Variants in VPS41 observed in about 807,000 individuals in gnomAD.
VPS41 encodes VPS41 subunit of HOPS complex.
Under a neutral mutation model 130.9 loss-of-function variants are expected in VPS41, and 85 were observed. The ratio of observed to expected loss-of-function variants is 0.65; its 90% CI spans 0.55 to 0.78. The LOEUF (loss-of-function observed/expected upper bound fraction) is 0.78, where lower values mean the gene tolerates loss of function less well. Ranked by LOEUF, VPS41 falls within the 30% of genes least tolerant of loss-of-function variation. The pLI, the probability that VPS41 is intolerant of heterozygous loss-of-function variation, is 0.00. For missense variants in VPS41, 874 were observed against 1,018.7 expected, an observed-to-expected ratio of 0.86 and a Z score of 1.93; for synonymous variants, 335 against 332.9, an observed-to-expected ratio of 1.01 and a Z score of -0.07.
chr7:38,906,689 C>T (rs1787275514), intron 1 of VPS41, among the ~76,000 whole-genome samples: 2 of 152,124 alleles, frequency 1.3e-5, no homozygotes, highest in South Asian at 4.1e-4. Flanking sequence ...AGAATGCCCA[C>T]TCCAACTACA....
chr7:38,760,413 G>T (rs1783886219), intron 17 of VPS41, among the ~76,000 whole-genome samples: 1 of 152,136 alleles, frequency 6.6e-6, no homozygotes, highest in African/African-American at 2.4e-5. Context: ...TTTAGCTCAT[G>T]TCAAAGCTAG....
intron 4 of VPS41, 28 bp from the exon 5 acceptor site, chr7:38,830,356 T>C (rs113477160): frequency 2.9e-6 from 4 of 1,396,616 alleles, no homozygotes; most frequent in South Asian, 2.3e-5. Flanking sequence ...AAAAGATGTG[T>C]AAAACTTCAG....
Position 38,862,525 on chromosome 7 carries a change from ATT to A in VPS41, c.246+18_246+19del. On this transcript the variant is annotated intron_variant, in intron 4 of 28. Coordinates refer to ENST00000310301, the MANE Select transcript of VPS41 (RefSeq NM_014396.4). Reference sequence around the variant, plus strand: ...TAACATGAAGTTTAGCTCATACATTATTTTATACAGAATACTTACTACATCAA... The same window carrying A: ...TAACATGAAGTTTAGCTCATACATTATTATACAGAATACTTACTACATCAA... The A allele has an allele frequency of 6.8e-7, 1 of 1,472,336 alleles. No homozygotes were observed. Among genetic ancestry groups the A allele is most frequent in the Non-Finnish European group, 9.4e-7 (1 of 1,063,906 alleles). 91.2% of individuals were successfully genotyped at this position (1,472,336 alleles called of 1,614,324 possible). A position where few individuals can be genotyped will look rare whatever the true frequency, so the allele number is the denominator to read the frequency against.
chr7:38,838,329 A>G (rs1362265046), intron 4 of VPS41, among the ~76,000 whole-genome samples: 1 of 152,200 alleles, frequency 6.6e-6, no homozygotes, highest in African/African-American at 2.4e-5. Context: ...AGCTAAAATG[A>G]CTGATTTTCC....
At chr7:38,834,107 A>C (rs1584418784) in intron 4 of VPS41, among the ~76,000 whole-genome samples, 1 of 22,948 alleles carries the variant, frequency 4.4e-5, no homozygotes, top group African/African-American at 4.3e-4. Context: ...CATGGTATTT[A>C]AAAAAAAAAA....
rs1795502263 is a variant in VPS41, at chr7:38,724,610, T to TTTTTTTTTA, written c.*1635_*1636insTAAAAAAAA. 6.5e-6 allele frequency: 1 copy of TTTTTTTTTA among 154,116 alleles called. No individual in the cohort carries two copies. The highest frequency in any genetic ancestry group is 2.4e-5 in the African/African-American group (1 of 41,248). 9.5% of individuals were successfully genotyped at this position (154,116 alleles called of 1,614,324 possible). On this transcript the variant is annotated 3_prime_UTR_variant, in exon 29 of 29. Coordinates refer to ENST00000310301, the MANE Select transcript of VPS41 (RefSeq NM_014396.4). ...ATTTCTTTTCTTTTCTTTTCTTTTT[T>TTTTTTTTTA]GAGACGGAGTTTTGCTCTTGTTGCC... is the stretch of plus-strand genomic sequence containing the variant.
chr7:38,828,765 A>G (rs1423273999), intron 5 of VPS41, among the ~76,000 whole-genome samples: 2 of 152,094 alleles, frequency 1.3e-5, no homozygotes, highest in African/African-American at 2.4e-5. Flanking sequence ...AAATTTTACC[A>G]AAATAGGAAA....
At chr7:38,863,747 A>G (rs1786169445) in intron 3 of VPS41, among the ~76,000 whole-genome samples, 2 of 152,322 alleles carry the variant, frequency 1.3e-5, no homozygotes, top group Middle Eastern at 3.4e-3. Context: ...GTGTGCAGAC[A>G]TAACTAGGTA....
chr7:38,754,120 C>G (rs889277171), intron 21 of VPS41, among the ~76,000 whole-genome samples: 1 of 152,102 alleles, frequency 6.6e-6, no homozygotes, highest in East Asian at 1.9e-4. Context: ...GAATAACAGG[C>G]CTTAATTACA....
At chr7:38,812,316 G>GATGCTGGGCCAACTGGATATA (rs1784960474) in intron 7 of VPS41, among the ~76,000 whole-genome samples, 1 of 152,130 alleles carries the variant, frequency 6.6e-6, no homozygotes, top group African/African-American at 2.4e-5. Context: ...TTGCAACAGT[G>GATGCTGGGCCAACTGGATATA]ATGCTGGGCC....
At chr7:38,786,290 T>G (rs1008159270) in intron 10 of VPS41, among the ~76,000 whole-genome samples, 1 of 152,202 alleles carries the variant, frequency 6.6e-6, no homozygotes, top group African/African-American at 2.4e-5. Context: ...ATGGGGATAG[T>G]AGCCGCTACC....
At chr7:38,832,311 CT>C (rs1785402755) in intron 4 of VPS41, among the ~76,000 whole-genome samples, 1 of 131,974 alleles carries the variant, frequency 7.6e-6, no homozygotes, top group East Asian at 2.1e-4. Context: ...AATTCATTTT[CT>C]TTCTTTCTTT....
At chr7:38,743,610 C>A (rs1487084771) in intron 23 of VPS41, 68 bp from the exon 24 acceptor site, 16 of 1,549,934 alleles carry the variant, frequency 1.0e-5, no homozygotes. Flanking sequence ...AAAGAAATTG[C>A]ATATCTCTTA....
intron 7 of VPS41, among the ~76,000 whole-genome samples, chr7:38,810,015 A>T (rs758087): frequency 6.6e-6 from 1 of 152,188 alleles, no homozygotes; most frequent in East Asian, 1.9e-4. Context: ...TCTTGCTACA[A>T]AAGAAGGTTA....
chr7:38,756,951 G>A lies in VPS41; in HGVS notation c.1582C>T (p.Leu528=), dbSNP rs764646101. 5.0e-6 allele frequency: 8 copies of A among 1,598,312 alleles called. No individual in the cohort carries two copies. In the South Asian group the frequency reaches 8.8e-5, roughly 18 times the overall value. ...YTYDKNYGNA[L]EIYLTLRHKD... ...TGTCTTAATGTTAAGTATATTTCCA[G>A]AGCATTGCCATAGTTCTTGTCATAG... The change falls in exon 19 of 29, where the codon CTG becomes TTG. Residue 528 remains leucine (L), a synonymous_variant. Coordinates refer to ENST00000310301, the MANE Select transcript of VPS41 (RefSeq NM_014396.4).
intron 3 of VPS41, among the ~76,000 whole-genome samples, chr7:38,863,253 C>T (rs531615850): frequency 2.0e-4 from 31 of 152,208 alleles, no homozygotes; most frequent in Admixed American, 6.5e-4. Flanking sequence ...CATTTTATGT[C>T]GTAAGTCCTA....
At chr7:38,824,618 T>C (rs1302739301) in intron 5 of VPS41, among the ~76,000 whole-genome samples, 2 of 152,150 alleles carry the variant, frequency 1.3e-5, no homozygotes, top group African/African-American at 4.8e-5. Flanking sequence ...AGATATCTTT[T>C]TACCTAAAGT....
intron 17 of VPS41, 51 bp downstream of exon 17, chr7:38,763,404 T>C: frequency 7.7e-7 from 1 of 1,304,778 alleles, no homozygotes; most frequent in East Asian, 2.4e-5. Flanking sequence ...CTAGATTTCC[T>C]AACACCTCCC....
At chr7:38,821,716 A>AAAAAAAAG (rs1409386849) in intron 5 of VPS41, among the ~76,000 whole-genome samples, 6 of 151,318 alleles carry the variant, frequency 4.0e-5, no homozygotes, top group South Asian at 4.2e-4. Context: ...CAAAAAAAAA[A>AAAAAAAAG]AAAAAGAAAA....
Sources: gnomAD v4.1 joint callset for allele counts (sites outside exome capture counted in the v4.1 genomes callset) on GRCh38, gnomAD v4.1.1 for gene constraint, MANE v1.5 for transcripts, NCBI Gene and HGNC (gene_info 2026-07-23, HGNC 2026-07-21) for gene names.